The following RBMS3 variants were observed in gnomAD, a reference collection of about 807,000 sequenced individuals.
The protein encoded by RBMS3 is RNA binding motif single stranded interacting protein 3, also known as RNA-binding motif, single-stranded-interacting protein 3.
A neutral mutation model predicts 66.8 loss-of-function variants in RBMS3; 27 were observed. The observed-to-expected ratio is 0.40, with a 90% CI of 0.30 to 0.56. RBMS3 has a LOEUF of 0.56. Ranked by LOEUF, RBMS3 falls within the 20% of genes least tolerant of loss-of-function variation. The pLI is 0.40. For synonymous variants in RBMS3, 188 were observed against 183.0 expected, an observed-to-expected ratio of 1.03 and a Z score of -0.22; for missense variants, 513 against 549.5, an observed-to-expected ratio of 0.93 and a Z score of 0.66.
intron 12 of RBMS3, among the ~76,000 whole-genome samples, chr3:29,960,881 T>G (rs915892857): frequency 6.6e-6 from 1 of 152,032 alleles, no homozygotes; most frequent in African/African-American, 2.4e-5. Context: ...TTCAGGAGAC[T>G]ATTTTTCCTC....
At chr3:29,734,492 C>G (rs1191645273) in intron 4 of RBMS3, among the ~76,000 whole-genome samples, 2 of 152,094 alleles carry the variant, frequency 1.3e-5, no homozygotes, top group East Asian at 3.9e-4. Flanking sequence ...ATTCATATAT[C>G]AAAATATCAC....
chr3:29,928,665 A>G (rs772867452), intron 10 of RBMS3, among the ~76,000 whole-genome samples: 26 of 152,196 alleles, frequency 1.7e-4, no homozygotes, highest in Admixed American at 3.3e-4. Flanking sequence ...AGCAGTTTAC[A>G]TGTGTCCTCT....
At chr3:29,653,171 A>T (rs2050202864) in intron 4 of RBMS3, among the ~76,000 whole-genome samples, 2 of 152,128 alleles carry the variant, frequency 1.3e-5, no homozygotes, top group Non-Finnish European at 2.9e-5. Flanking sequence ...TTAGATCAAT[A>T]CAAATTTAGC....
At chr3:29,925,760 G>C (rs1011723964) in intron 10 of RBMS3, among the ~76,000 whole-genome samples, 5 of 152,102 alleles carry the variant, frequency 3.3e-5, no homozygotes, top group Admixed American at 2.0e-4. Flanking sequence ...TGGGGCTGGG[G>C]TTCACCTGAG....
At chr3:29,715,257 C>A (rs1241789920) in intron 4 of RBMS3, among the ~76,000 whole-genome samples, 1 of 152,084 alleles carries the variant, frequency 6.6e-6, no homozygotes, top group Non-Finnish European at 1.5e-5. Flanking sequence ...ATTCTGTGGG[C>A]ATTTCACAAA....
At chr3:29,997,508 A>C (rs1012997765) in intron 14 of RBMS3, among the ~76,000 whole-genome samples, 6 of 149,704 alleles carry the variant, frequency 4.0e-5, no homozygotes, top group African/African-American at 1.5e-4. Flanking sequence ...ACATTGATGC[A>C]AAAATCCTCA....
chr3:29,853,741 C>T (rs1006190095), intron 6 of RBMS3, among the ~76,000 whole-genome samples: 4 of 152,124 alleles, frequency 2.6e-5, no homozygotes, highest in Non-Finnish European at 2.9e-5. Context: ...TCTTAGTCAG[C>T]CTAGGAAATC....
At chr3:29,913,783 T>A (rs1466568428) in intron 10 of RBMS3, among the ~76,000 whole-genome samples, 1 of 151,954 alleles carries the variant, frequency 6.6e-6, no homozygotes, top group Non-Finnish European at 1.5e-5. Flanking sequence ...AATTCTTACT[T>A]TCCGATAAAG....
At chr3:29,675,201 G>T (rs146759297) in intron 4 of RBMS3, among the ~76,000 whole-genome samples, 3 of 152,148 alleles carry the variant, frequency 2.0e-5, no homozygotes, top group African/African-American at 7.2e-5. Context: ...AATAAATAGC[G>T]CTGGGAAAAC....
At chr3:29,492,306 C>A (rs772927556) in intron 3 of RBMS3, among the ~76,000 whole-genome samples, 1 of 151,960 alleles carries the variant, frequency 6.6e-6, no homozygotes, top group Non-Finnish European at 1.5e-5. Flanking sequence ...AAAAAATAGA[C>A]CTTGACATAG....
intron 3 of RBMS3, among the ~76,000 whole-genome samples, chr3:29,574,159 T>C (rs767440632): frequency 6.6e-6 from 1 of 152,230 alleles, no homozygotes; most frequent in Non-Finnish European, 1.5e-5. Flanking sequence ...AAGTGGATTA[T>C]TGATGTCTTA....
At chr3:29,866,618 T>C (rs2059369657) in intron 6 of RBMS3, among the ~76,000 whole-genome samples, 1 of 152,178 alleles carries the variant, frequency 6.6e-6, no homozygotes, top group South Asian at 2.1e-4. Flanking sequence ...TATAAATACA[T>C]AGTTTTGGAA....
At chr3:29,984,094 A>G (rs1333561244) in intron 12 of RBMS3, among the ~76,000 whole-genome samples, 3 of 152,014 alleles carry the variant, frequency 2.0e-5, no homozygotes, top group Admixed American at 1.3e-4. Flanking sequence ...TATTTCTTGG[A>G]GGCTTTGTTC....
intron 12 of RBMS3, among the ~76,000 whole-genome samples, chr3:29,976,638 TCTC>T (rs1008064382): frequency 2.6e-5 from 4 of 151,942 alleles, no homozygotes; most frequent in Non-Finnish European, 4.4e-5. Flanking sequence ...TATCTCAAGA[TCTC>T]CTCCTCTCTG....
chr3:29,783,811 A>T (rs1458551353), intron 6 of RBMS3, among the ~76,000 whole-genome samples: 1 of 152,112 alleles, frequency 6.6e-6, no homozygotes, highest in African/African-American at 2.4e-5. Flanking sequence ...CTCATCTAAC[A>T]TATAAGGCCT....
At chr3:29,862,628 G>T (rs749135245) in intron 6 of RBMS3, among the ~76,000 whole-genome samples, 2 of 151,976 alleles carry the variant, frequency 1.3e-5, no homozygotes, top group African/African-American at 4.8e-5. Context: ...TGCATGTGTG[G>T]TGGGGGCAGT....
chr3:29,294,832 G>T (rs1224497579), intron 1 of RBMS3, among the ~76,000 whole-genome samples: 1 of 151,472 alleles, frequency 6.6e-6, no homozygotes, highest in Non-Finnish European at 1.5e-5. Context: ...TAATAATATT[G>T]AACTGTTAAC....
At chr3:29,399,221 G>GTGTA (rs1553645195) in intron 1 of RBMS3, among the ~76,000 whole-genome samples, 24 of 151,528 alleles carry the variant, frequency 1.6e-4, no homozygotes, top group African/African-American at 4.1e-4. Flanking sequence ...GTGTGTGTGT[G>GTGTA]TATATATATA....
At chr3:29,856,297 T>G (rs1486994017) in intron 6 of RBMS3, among the ~76,000 whole-genome samples, 1 of 151,982 alleles carries the variant, frequency 6.6e-6, no homozygotes, top group African/African-American at 2.4e-5. Context: ...TTTGGTGGGG[T>G]GGGAAAAGCG....
Sources: allele counts gnomAD v4.1 joint callset (sites outside exome capture counted in the v4.1 genomes callset), GRCh38; gene constraint gnomAD v4.1.1; transcripts MANE v1.5; gene names NCBI Gene and HGNC (gene_info 2026-07-23, HGNC 2026-07-21).